PCGF2: variants seen among roughly 807,000 people sequenced by gnomAD.
PCGF2 encodes the protein polycomb group ring finger 2.
Under a neutral mutation model 36.1 loss-of-function variants are expected in PCGF2, and 8 were observed. The observed-to-expected ratio is 0.22, with a 90% confidence interval of 0.13 to 0.40. The LOEUF (loss-of-function observed/expected upper bound fraction) is 0.40. PCGF2 is among the 10% of genes least tolerant of loss of function. The probability of loss-of-function intolerance (pLI) is 1.00; values close to 1 mark genes in which losing one functional copy is unlikely to be tolerated. For missense variants in PCGF2, 436 were observed against 475.9 expected (o/e 0.92, Z 0.78); for synonymous variants, 198 against 191.2 (o/e 1.04, Z -0.29).
Position 38,739,619 on chromosome 17 carries a change from T to G in PCGF2, c.176A>C (p.Gln59Pro), listed in dbSNP as rs758623811. 5 of 1,614,054 alleles carry G rather than the reference T, an allele frequency of 3.1e-6. No homozygotes were observed. In the South Asian group the frequency reaches 3.3e-5, roughly 11 times the overall value. The change falls in exon 4 of 11, where the codon CAG becomes CCG. Residue 59 changes from glutamine to proline, a missense_variant. Gln to Pro is a moderately conservative substitution (Grantham distance 76, BLOSUM62 -1). Transcript: ENST00000620225. The surrounding 1 kb of genome is among the most constrained non-coding windows in gnomAD (Gnocchi z 4.0). ...CAGCAGCGGCCGGGTTTTATGGACC[T>G]GCACGTCACACATGGGGCAGTATTT... ...TNKYCPMCDV[Q>P]VHKTRPLLSI...
intron 2 of PCGF2, among the ~76,000 whole-genome samples, chr17:38,744,234 G>A (rs1907393406): frequency 6.6e-6 from 1 of 152,208 alleles, no homozygotes; most frequent in African/African-American, 2.4e-5. Context: ...TGGCAGGAAG[G>A]GAGCTTGCTC....
chr17:38,739,517 G>T lies in PCGF2; in HGVS notation c.209+69C>A. 1 of 1,246,962 alleles carries T rather than the reference G, an allele frequency of 8.0e-7. No homozygotes were observed. Among genetic ancestry groups the T allele is most frequent in the Admixed American group, 1.7e-5 (1 of 59,512 alleles). 77.2% of individuals were successfully genotyped at this position (1,246,962 alleles called of 1,614,324 possible). On this transcript the variant is annotated intron_variant, in intron 4 of 10. Transcript: ENST00000620225. This position sits in a 1 kb window ranked among gnomAD's most constrained non-coding sequence, Gnocchi z 4.0. ...TGCCGCCTTGGCTGAAGGAAGCACG[G>T]AGCGTGGGAGGGATGGGGGAGGCTG...
intron 2 of PCGF2, among the ~76,000 whole-genome samples, chr17:38,746,275 C>T (rs1164547852): frequency 1.3e-5 from 2 of 151,822 alleles, no homozygotes; most frequent in Non-Finnish European, 2.9e-5. Flanking sequence ...ACCTCTCACA[C>T]TCACTACACA....
intron 2 of PCGF2, among the ~76,000 whole-genome samples, chr17:38,741,604 G>C (rs910428310): frequency 7.2e-5 from 11 of 152,164 alleles, no homozygotes; most frequent in African/African-American, 2.2e-4. Flanking sequence ...TTCTGGCTCT[G>C]CATCCAGCCT....
intron 9 of PCGF2, among the ~76,000 whole-genome samples, chr17:38,737,874 T>C (rs1010242323): frequency 7.1e-6 from 1 of 141,414 alleles, no homozygotes; most frequent in Non-Finnish European, 1.5e-5. Flanking sequence ...ATCGCTCCAC[T>C]GCACTCTAGC....
rs779125578 is a variant in PCGF2, at chr17:38,739,543, A to T, written c.209+43T>A. On this transcript the variant is annotated intron_variant, in intron 4 of 10. Coordinates refer to ENST00000620225, the MANE Select transcript of PCGF2 (RefSeq NM_007144.3). This position sits in a 1 kb window ranked among gnomAD's most constrained non-coding sequence, Gnocchi z 4.0. Reference sequence around the variant, plus strand: ...AGCGTGGGAGGGATGGGGGAGGCTGACCCAGAGGATCGCGGGGACAGGAGG... The same window carrying T: ...AGCGTGGGAGGGATGGGGGAGGCTGTCCCAGAGGATCGCGGGGACAGGAGG... 2 of 1,450,990 alleles carry T rather than the reference A, an allele frequency of 1.4e-6. No individual in the cohort carries two copies. The highest frequency in any genetic ancestry group is 2.3e-5 in the South Asian group (2 of 87,946). The allele number at this position is 1,450,990 out of a possible 1,614,324, so 89.9% of individuals were successfully genotyped here.
chr17:38,738,126 G>A (rs964135477), intron 9 of PCGF2, among the ~76,000 whole-genome samples: 1 of 152,132 alleles, frequency 6.6e-6, no homozygotes, highest in African/African-American at 2.4e-5. Flanking sequence ...TGTGCAACAT[G>A]CACACATACA....
intron 9 of PCGF2, among the ~76,000 whole-genome samples, chr17:38,736,727 G>A: frequency 6.6e-6 from 1 of 152,242 alleles, no homozygotes; most frequent in South Asian, 2.1e-4. Flanking sequence ...CCAGCTACTC[G>A]GGAGGCTGAG....
intron 2 of PCGF2, among the ~76,000 whole-genome samples, chr17:38,747,495 G>A (rs1202990682): frequency 6.6e-6 from 1 of 151,958 alleles, no homozygotes; most frequent in Non-Finnish European, 1.5e-5. Context: ...ACCTTCCCTA[G>A]AGCCAAACTT....
Position 38,740,420 on chromosome 17 carries a change from T to A in PCGF2, c.-18A>T. The stretch of plus-strand genomic sequence containing the variant: ...CGATGCATGATTCCGGGGTCGGGGG[T>A]GGGGGGACTGGGGAGCGTTGCCCTG... On this transcript the variant is annotated 5_prime_UTR_variant, in exon 3 of 11. Coordinates refer to ENST00000620225, the MANE Select transcript of PCGF2 (RefSeq NM_007144.3). The A allele has an allele frequency of 4.5e-6, 2 of 444,998 alleles. No individual in the cohort carries two copies. Among genetic ancestry groups the A allele is most frequent in the Non-Finnish European group, 3.7e-6 (1 of 272,262 alleles). 27.6% of individuals were successfully genotyped at this position (444,998 alleles called of 1,614,324 possible).
intron 2 of PCGF2, among the ~76,000 whole-genome samples, chr17:38,742,565 G>A (rs986990020): frequency 4.6e-5 from 7 of 152,170 alleles, no homozygotes; most frequent in African/African-American, 7.2e-5. Flanking sequence ...TGGCGGCCCC[G>A]GGGATCTGAG....
chr17:38,737,294 C>G (rs1906845224), intron 9 of PCGF2, among the ~76,000 whole-genome samples: 1 of 151,944 alleles, frequency 6.6e-6, no homozygotes, highest in South Asian at 2.1e-4. Context: ...GAAACCCTGT[C>G]TATACTGAAA....
rs1432046637 is a variant in PCGF2, at chr17:38,747,166, ACCGGAG to A, written c.-41+707_-41+712del. Among the ~76,000 whole-genome samples, 23 of 152,160 alleles carry A rather than the reference ACCGGAG, an allele frequency of 1.5e-4. No individual in the cohort carries two copies. The East Asian group carries it at 3.7e-3, about 24-fold the overall frequency. ...TGCCGCCTCCTCCCACCTCAAGCCA[ACCGGAG>A]CGATTATGGGCAGACAGGGGCAGTG... On this transcript the variant is annotated intron_variant, in intron 2 of 10. Coordinates refer to ENST00000620225, the MANE Select transcript of PCGF2 (RefSeq NM_007144.3).
chr17:38,735,226 A>T lies in PCGF2; in HGVS notation c.1032T>A (p.Thr344=). 22 of 1,415,988 alleles carry T rather than the reference A, an allele frequency of 1.6e-5. No individual in the cohort carries two copies. The highest frequency in any genetic ancestry group is 2.0e-5 in the Non-Finnish European group (22 of 1,074,860). 87.7% of individuals were successfully genotyped at this position (1,415,988 alleles called of 1,614,324 possible). A position where few individuals can be genotyped will look rare whatever the true frequency, so the allele number is the denominator to read the frequency against. Residue 344 remains threonine, a synonymous_variant, in exon 11 of 11, where the codon ACT becomes ACA. Transcript: ENST00000620225. Reference sequence around the variant, plus strand: ...AGAAGGGAGAGGGTCCCTGGCCTCAAGTTAAGGGGGGCACGGGAGCGCCGT... The same window carrying T: ...AGAAGGGAGAGGGTCCCTGGCCTCATGTTAAGGGGGGCACGGGAGCGCCGT... ...TVNGAPVPPL[T]
rs1401636053 is a variant in PCGF2 at position 38,739,348 on chromosome 17, C to A, written c.210-95G>T. On this transcript the variant is annotated intron_variant, in intron 4 of 10. Coordinates refer to ENST00000620225, the MANE Select transcript of PCGF2 (RefSeq NM_007144.3). The surrounding 1 kb of genome is among the most constrained non-coding windows in gnomAD (Gnocchi z 4.0). ...CAGCCAGGGTACCCCTCTTCCCACC[C>A]CCTTCCTGAGACCGGTGCCCAGGCA... 1.7e-6 allele frequency: 2 copies of A among 1,183,146 alleles called. No individual in the cohort carries two copies. The highest frequency in any genetic ancestry group is 2.5e-5 in the South Asian group (2 of 81,232). The allele number at this position is 1,183,146 out of a possible 1,614,324, so 73.3% of individuals were successfully genotyped here.
intron 9 of PCGF2, among the ~76,000 whole-genome samples, 165 bp from the exon 10 acceptor site, chr17:38,736,335 C>G (rs1447160543): frequency 2.0e-5 from 3 of 152,162 alleles, no homozygotes; most frequent in Non-Finnish European, 4.4e-5. Flanking sequence ...AGAGTTGTTC[C>G]AACATAACTC....
intron 2 of PCGF2, among the ~76,000 whole-genome samples, chr17:38,747,049 T>C (rs1907578911): frequency 6.6e-6 from 1 of 151,884 alleles, no homozygotes; most frequent in Non-Finnish European, 1.5e-5. Flanking sequence ...CTGGGGAGAC[T>C]GAGGCAGCAT....
rs376422988 is a variant in PCGF2, at chr17:38,739,623, C to T, written c.172G>A (p.Val58Met). The stretch of plus-strand genomic sequence containing the variant: ...AGCGGCCGGGTTTTATGGACCTGCA[C>T]GTCACACATGGGGCAGTATTTGTTG... Reference protein sequence around the residue: ...ETNKYCPMCDVQVHKTRPLLS... With the variant: ...ETNKYCPMCDMQVHKTRPLLS... Residue 58 changes from valine to methionine, a missense_variant, in exon 4 of 11, where the codon GTG becomes ATG. Around this residue, in one of 3 missense-constraint regions of PCGF2, gnomAD observed 189 missense variants for 219.3 expected, o/e 0.86. Coordinates refer to ENST00000620225, the MANE Select transcript of PCGF2 (RefSeq NM_007144.3). This position sits in a 1 kb window ranked among gnomAD's most constrained non-coding sequence, Gnocchi z 4.0. The T allele has an allele frequency of 6.8e-6, 11 of 1,613,942 alleles. No individual in the cohort carries two copies. Among genetic ancestry groups the T allele is most frequent in the African/African-American group, 2.7e-5 (2 of 74,902 alleles).
intron 2 of PCGF2, among the ~76,000 whole-genome samples, chr17:38,742,565 GGGGATCTGAGAA>G (rs1907269630): frequency 6.6e-6 from 1 of 152,172 alleles, no homozygotes; most frequent in Non-Finnish European, 1.5e-5. Context: ...TGGCGGCCCC[GGGGATCTGAGAA>G]GGGAGAGGGG....
Sources: gnomAD v4.1 joint callset for allele counts (sites outside exome capture counted in the v4.1 genomes callset) on GRCh38, gnomAD v4.1.1 for gene constraint, gnomAD v4.1.1 regional missense constraint, Gnocchi (gnomAD v3.1) non-coding constraint, MANE v1.5 for transcripts, NCBI Gene and HGNC (gene_info 2026-07-23, HGNC 2026-07-21) for gene names.